Variants in BICRA observed in about 807,000 individuals in gnomAD.
The protein encoded by BICRA is BRD4-interacting chromatin-remodeling complex-associated protein.
Under a neutral mutation model 96.9 loss-of-function variants are expected in BICRA, and 31 were observed. The observed-to-expected ratio is 0.32, with a 90% CI of 0.24 to 0.43. The LOEUF (loss-of-function observed/expected upper bound fraction) is 0.43. Ranked by LOEUF, BICRA falls within the 20% of genes least tolerant of loss-of-function variation. The pLI is 1.00. For missense variants in BICRA, 2,283 were observed against 2,190.3 expected (o/e 1.04, Z -0.84); for synonymous variants, 1,350 against 1,071.8 (o/e 1.26, Z -5.07).
At chr19:47,647,121 C>T (rs757717292) in intron 1 of BICRA, among the ~76,000 whole-genome samples, 2 of 152,334 alleles carry the variant, frequency 1.3e-5, no homozygotes, top group Non-Finnish European at 2.9e-5. Flanking sequence ...GTCAGTGTCT[C>T]ATCCCTTTTC....
chr19:47,632,744 G>T (rs1420460338), intron 1 of BICRA, among the ~76,000 whole-genome samples: 2 of 152,168 alleles, frequency 1.3e-5, no homozygotes, highest in Admixed American at 6.6e-5. Flanking sequence ...TTGACCAAAT[G>T]ATCAGCACGG....
chr19:47,617,747 G>C (rs1370895256), intron 1 of BICRA, among the ~76,000 whole-genome samples: 1 of 148,274 alleles, frequency 6.7e-6, no homozygotes, highest in Non-Finnish European at 1.5e-5. Flanking sequence ...ACCATCACCA[G>C]CTTCTGCAAA....
At chr19:47,663,399 G>T (rs1007390782) in intron 1 of BICRA, 1 of 152,140 alleles carries the variant, frequency 6.6e-6, no homozygotes, top group African/African-American at 2.4e-5. Flanking sequence ...AGAAAAAAAA[G>T]AACACGGTCT....
intron 1 of BICRA, among the ~76,000 whole-genome samples, chr19:47,613,131 C>T (rs1971933907): frequency 6.6e-6 from 1 of 152,020 alleles, no homozygotes; most frequent in South Asian, 2.1e-4. Context: ...CCTAACCTTC[C>T]TTCAGGAGGT....
chr19:47,695,342 T>TCGGGGGGGGGGG, intron 9 of BICRA, 23 bp from the exon 10 acceptor site: 1 of 630,200 alleles, frequency 1.6e-6, no homozygotes, highest in Non-Finnish European at 2.8e-6. Flanking sequence ...AGGCCCTGTC[T>TCGGGGGGGGGGG]CCCCCACCCC....
chr19:47,684,463 G>T (rs994238038), intron 7 of BICRA, among the ~76,000 whole-genome samples: 1 of 152,088 alleles, frequency 6.6e-6, no homozygotes, highest in Non-Finnish European at 1.5e-5. Context: ...ATTTACAGGC[G>T]CCCGCCACCA....
intron 1 of BICRA, among the ~76,000 whole-genome samples, chr19:47,620,545 G>C (rs1459223073): frequency 6.6e-6 from 1 of 151,418 alleles, no homozygotes; most frequent in Non-Finnish European, 1.5e-5. Flanking sequence ...GTGCATGCTT[G>C]TAGTCCCAGC....
At chr19:47,659,742 C>G (rs1166550475) in intron 1 of BICRA, among the ~76,000 whole-genome samples, 1 of 148,352 alleles carries the variant, frequency 6.7e-6, no homozygotes, top group Admixed American at 6.7e-5. Context: ...ACGTTCTCTT[C>G]TCTTCTCTCT....
chr19:47,679,084 T>A (rs1320251143), intron 5 of BICRA: 1 of 372,068 alleles, frequency 2.7e-6, no homozygotes, highest in Non-Finnish European at 4.8e-6. Flanking sequence ...TTTTTTAAAA[T>A]TTTTTTCTCA....
chr19:47,682,137 G>T lies in BICRA; in HGVS notation c.2268G>T (p.Pro756=). 7.9e-7 allele frequency: 1 copy of T among 1,273,668 alleles called. No individual in the cohort carries two copies. Among genetic ancestry groups the T allele is most frequent in the South Asian group, 1.3e-5 (1 of 77,892 alleles). The allele number at this position is 1,273,668 out of a possible 1,614,324, so 78.9% of individuals were successfully genotyped here. A position where few individuals can be genotyped will look rare whatever the true frequency, so the allele number is the denominator to read the frequency against. The change falls in exon 7 of 15, where the codon CCG becomes CCT. Residue 756 remains proline (P), a synonymous_variant. Transcript: ENST00000594866. The part of the protein sequence containing the change: ...GPQAPDSQAS[P]APAPQIPAAA... ...AGGCCCCCGACAGCCAGGCTTCCCCGGCTCCGGCCCCCCAGGTAGAGGGAC... is the reference window on the plus strand; with the variant it reads ...AGGCCCCCGACAGCCAGGCTTCCCCTGCTCCGGCCCCCCAGGTAGAGGGAC...
chr19:47,640,366 C>G (rs2911004), intron 1 of BICRA, among the ~76,000 whole-genome samples: 30,218 of 151,772 alleles, frequency 0.2, 3,360 homozygotes, highest in Middle Eastern at 0.28. Flanking sequence ...AATCTCTCTA[C>G]TAAAAATAGA....
rs1171220407 is a variant in BICRA at position 47,619,240 on chromosome 19, T to TA, written c.-108+10072_-108+10073insA. Among the ~76,000 whole-genome samples, 19 of 149,986 alleles carry TA rather than the reference T, an allele frequency of 1.3e-4. No homozygotes were observed. The East Asian group carries it at 2.3e-3, about 19-fold the overall frequency. ...CATTTTTTTTCCCAACCCCTTTTTT[T>TA]TTTCCTTTTTTTTGTGTGTGTGTGT... On this transcript the variant is annotated intron_variant, in intron 1 of 14. Coordinates refer to ENST00000594866, the MANE Select transcript of BICRA (RefSeq NM_001394372.1).
intron 1 of BICRA, among the ~76,000 whole-genome samples, chr19:47,619,108 G>A (rs1363495289): frequency 6.6e-6 from 1 of 151,932 alleles, no homozygotes; most frequent in African/African-American, 2.4e-5. Context: ...GCTGTACTGC[G>A]GAATTTCTCT....
intron 9 of BICRA, 55 bp downstream of exon 9, chr19:47,695,135 C>T (rs943551629): frequency 7.7e-6 from 9 of 1,163,522 alleles, no homozygotes; most frequent in African/African-American, 1.6e-5. Flanking sequence ...GATGGGTGGG[C>T]GGGGCTGAGC....
Position 47,699,444 on chromosome 19 carries a change from GC to G in BICRA, c.3595+44del. ...GTGAGAGGGGAGGGGAGGGAGAGGT[GC>G]CCCCACCCCACCTGGGCAGAAGAGT... On this transcript the variant is annotated intron_variant, in intron 14 of 14. Coordinates refer to ENST00000594866, the MANE Select transcript of BICRA (RefSeq NM_001394372.1). This position sits in a 1 kb window ranked among gnomAD's most constrained non-coding sequence, Gnocchi z 5.0. 8.8e-7 allele frequency: 1 copy of G among 1,138,870 alleles called. No homozygotes were observed. Among genetic ancestry groups the G allele is most frequent in the Non-Finnish European group, 1.3e-6 (1 of 770,882 alleles). 70.5% of individuals were successfully genotyped at this position (1,138,870 alleles called of 1,614,324 possible).
intron 1 of BICRA, among the ~76,000 whole-genome samples, chr19:47,640,687 G>T (rs1029782155): frequency 6.6e-6 from 1 of 152,028 alleles, no homozygotes; most frequent in African/African-American, 2.4e-5. Context: ...ATTGTAACCG[G>T]CCCTTGCTGA....
chr19:47,609,377 T>C (rs1345630045), intron 1 of BICRA, among the ~76,000 whole-genome samples: 8 of 2,926 alleles, frequency 2.7e-3, no homozygotes, highest in Non-Finnish European at 7.0e-3. Flanking sequence ...CGCTGCCTCC[T>C]TTTTTTTTTT....
chr19:47,677,204 C>G (rs560433385), intron 5 of BICRA, among the ~76,000 whole-genome samples: 1 of 152,256 alleles, frequency 6.6e-6, no homozygotes, highest in South Asian at 2.1e-4. Context: ...TGCCAGGGGC[C>G]GGGTGATACC....
chr19:47,666,133 G>A (rs1305118853), intron 1 of BICRA, among the ~76,000 whole-genome samples: 1 of 152,194 alleles, frequency 6.6e-6, no homozygotes, highest in Non-Finnish European at 1.5e-5. Context: ...AGGCACAGAG[G>A]GGATAAGTAA....
Sources: gnomAD v4.1 joint callset for allele counts (sites outside exome capture counted in the v4.1 genomes callset) on GRCh38, gnomAD v4.1.1 for gene constraint, Gnocchi (gnomAD v3.1) non-coding constraint, MANE v1.5 for transcripts, NCBI Gene and HGNC (gene_info 2026-07-23, HGNC 2026-07-21) for gene names.